Variants in MTUS2 observed in about 807,000 individuals in gnomAD.
MTUS2 encodes the protein microtubule associated scaffold protein 2.
Under a neutral mutation model 114.1 loss-of-function variants are expected in MTUS2, and 40 were observed. The observed-to-expected ratio is 0.35, with a 90% confidence interval of 0.27 to 0.46. The LOEUF (loss-of-function observed/expected upper bound fraction) is 0.46, where lower values mean the gene tolerates loss of function less well. MTUS2 is among the 20% of genes least tolerant of loss of function. MTUS2 has a pLI of 1.00. For missense variants in MTUS2, 1,679 were observed against 1,705.4 expected (o/e 0.98, Z 0.27); for synonymous variants, 688 against 672.0 (o/e 1.02, Z -0.37).
At chr13:29,488,434 C>T (rs1196207960) in intron 11 of MTUS2, among the ~76,000 whole-genome samples, 13 of 135,506 alleles carry the variant, frequency 9.6e-5, no homozygotes, top group African/African-American at 3.5e-4. Context: ...TTTTTTTTTT[C>T]CTCTTTTTTT....
chr13:29,323,990 G>T (rs981159267), intron 6 of MTUS2, among the ~76,000 whole-genome samples: 1 of 152,198 alleles, frequency 6.6e-6, no homozygotes, highest in Non-Finnish European at 1.5e-5. Context: ...AGGAGAAGCT[G>T]CACTGTGCCC....
At chr13:29,084,439 C>T (rs1272983051) in intron 4 of MTUS2, among the ~76,000 whole-genome samples, 3 of 151,974 alleles carry the variant, frequency 2.0e-5, no homozygotes, top group Non-Finnish European at 2.9e-5. Flanking sequence ...GTTCCATCCT[C>T]CAGAGAAGTT....
chr13:28,901,800 A>G (rs1045117763), intron 2 of MTUS2, among the ~76,000 whole-genome samples: 16 of 152,066 alleles, frequency 1.1e-4, no homozygotes, highest in Admixed American at 4.6e-4. Flanking sequence ...AGTTCTTCCT[A>G]TTGTGTTTTT....
At chr13:29,170,040 G>A (rs1322218191) in intron 5 of MTUS2, among the ~76,000 whole-genome samples, 3 of 91,454 alleles carry the variant, frequency 3.3e-5, no homozygotes, top group Non-Finnish European at 4.8e-5. Context: ...CACAGTAGTG[G>A]TTGATGAGAG....
Position 29,040,907 on chromosome 13 carries a change from G to T in MTUS2, c.2446+6782G>T, listed in dbSNP as rs1887322513. Among the ~76,000 whole-genome samples the T allele has an allele frequency of 2.0e-5, 3 of 152,264 alleles. No individual in the cohort carries two copies. The South Asian group carries it at 6.2e-4, about 32-fold the overall frequency. On this transcript the variant is annotated intron_variant, in intron 4 of 15. Coordinates refer to ENST00000612955, the MANE Select transcript of MTUS2 (RefSeq NM_001033602.4). ...AAGATTTTCTCCCACTCTGTGGGTT[G>T]TCTGTTTACTCTGCTGATTATTGCT... is the stretch of plus-strand genomic sequence containing the variant.
At chr13:29,192,280 C>G (rs1334643753) in intron 5 of MTUS2, among the ~76,000 whole-genome samples, 1 of 152,142 alleles carries the variant, frequency 6.6e-6, no homozygotes, top group Non-Finnish European at 1.5e-5. Flanking sequence ...GTATGTGACT[C>G]TGTTCAAAGC....
At chr13:28,881,022 G>C (rs3001943) in intron 2 of MTUS2, among the ~76,000 whole-genome samples, 22,916 of 152,148 alleles carry the variant, frequency 0.15, 1,984 homozygotes, top group African/African-American at 0.21. Flanking sequence ...TGGGGGGTTT[G>C]TTACGTGGAT....
intron 5 of MTUS2, among the ~76,000 whole-genome samples, chr13:29,281,282 C>T (rs1169440418): frequency 1.3e-5 from 2 of 152,140 alleles, no homozygotes; most frequent in Non-Finnish European, 2.9e-5. Flanking sequence ...TCTCACTTCT[C>T]CTGGGTCACT....
intron 2 of MTUS2, among the ~76,000 whole-genome samples, chr13:28,971,050 C>G (rs985296251): frequency 1.3e-5 from 2 of 152,120 alleles, no homozygotes; most frequent in Admixed American, 1.3e-4. Context: ...AAATGTTGCT[C>G]ACAAATCAGT....
intron 7 of MTUS2, among the ~76,000 whole-genome samples, chr13:29,350,107 C>A (rs1454095236): frequency 1.3e-5 from 2 of 151,872 alleles, no homozygotes; most frequent in African/African-American, 4.8e-5. Flanking sequence ...CTTGCTATAT[C>A]TTCACTACTT....
intron 8 of MTUS2, among the ~76,000 whole-genome samples, chr13:29,388,698 T>C (rs1420285248): frequency 6.6e-6 from 1 of 151,526 alleles, no homozygotes; most frequent in Non-Finnish European, 1.5e-5. Context: ...AAATTTAAAA[T>C]AAAAAAAATT....
rs142015932 is a variant in MTUS2, at chr13:28,840,295, G to A, written c.-243+445G>A. 2.5e-3 allele frequency among the ~76,000 whole-genome samples: 388 copies of A among 152,262 alleles called. 2 individuals carry two copies. The highest frequency in any genetic ancestry group is 8.9e-3 in the African/African-American group (368 of 41,546). On this transcript the variant is annotated intron_variant, in intron 2 of 15. Transcript: ENST00000612955. ...AGACGACCAGACTGGGAGGAAAAAC[G>A]TGAATGCAGTGCAAACAGTCCATTA...
Position 29,504,190 on chromosome 13 carries a change from T to C in MTUS2, c.*984T>C, listed in dbSNP as rs573552132. The stretch of plus-strand genomic sequence containing the variant: ...CTCATGAAGGAAATTGCTGCCAAGG[T>C]CTGTATTTTGACCAGGCACAGAGGG... On this transcript the variant is annotated 3_prime_UTR_variant, in exon 16 of 16. Transcript: ENST00000612955. The C allele has an allele frequency of 1.3e-5, 3 of 231,946 alleles. No homozygotes were observed. The highest frequency in any genetic ancestry group is 2.6e-5 in the Non-Finnish European group (3 of 117,336). The allele number at this position is 231,946 out of a possible 1,614,324, so 14.4% of individuals were successfully genotyped here.
intron 8 of MTUS2, among the ~76,000 whole-genome samples, chr13:29,401,597 T>G (rs185596491): frequency 6.6e-6 from 1 of 152,306 alleles, no homozygotes; most frequent in African/African-American, 2.4e-5. Context: ...CACCACTGAT[T>G]GAATACTCCA....
At chr13:29,260,276 TC>T (rs1187711927) in intron 5 of MTUS2, among the ~76,000 whole-genome samples, 1 of 152,234 alleles carries the variant, frequency 6.6e-6, no homozygotes, top group East Asian at 1.9e-4. Flanking sequence ...AGATATTTTT[TC>T]TTTGGACTTT....
At chr13:29,101,264 A>G (rs183688881) in intron 5 of MTUS2, among the ~76,000 whole-genome samples, 2 of 152,182 alleles carry the variant, frequency 1.3e-5, no homozygotes, top group East Asian at 3.9e-4. Flanking sequence ...GTAAGAAGTC[A>G]AAGAAAGATC....
intron 5 of MTUS2, among the ~76,000 whole-genome samples, chr13:29,204,911 G>A (rs927598182): frequency 6.6e-5 from 10 of 152,168 alleles, no homozygotes; most frequent in African/African-American, 2.4e-4. Context: ...GGACATCATG[G>A]GGTGCAGCTG....
chr13:29,459,327 C>G (rs57993747), intron 9 of MTUS2, among the ~76,000 whole-genome samples: 9,800 of 152,270 alleles, frequency 0.064, 354 homozygotes, highest in African/African-American at 0.086. Context: ...AGGGAGTCAT[C>G]ATCAGCTCTC....
chr13:28,874,823 A>G (rs368793626), intron 2 of MTUS2, among the ~76,000 whole-genome samples: 3 of 152,234 alleles, frequency 2.0e-5, no homozygotes, highest in African/African-American at 4.8e-5. Flanking sequence ...TGGCTGCCAC[A>G]TAAGTTATCC....
Sources: allele counts gnomAD v4.1 joint callset (sites outside exome capture counted in the v4.1 genomes callset), GRCh38; gene constraint gnomAD v4.1.1; transcripts MANE v1.5; gene names NCBI Gene and HGNC (gene_info 2026-07-23, HGNC 2026-07-21).